Variants in PTPRD observed in about 807,000 individuals in gnomAD.
The protein encoded by PTPRD is receptor-type tyrosine-protein phosphatase delta.
A neutral mutation model predicts 214.5 loss-of-function variants in PTPRD; 34 were observed. That is an observed-to-expected ratio of 0.16 (90% CI 0.12 to 0.21). The LOEUF is 0.21. Ranked by LOEUF, PTPRD falls within the 10% of genes least tolerant of loss-of-function variation. The probability of loss-of-function intolerance (pLI) is 1.00; values close to 1 mark genes in which losing one functional copy is unlikely to be tolerated. For synonymous variants in PTPRD, 1,128 were observed against 845.7 expected (o/e 1.33, Z -5.79); for missense variants, 2,545 against 2,398.7 (o/e 1.06, Z -1.27).
chr9:8,842,423 A>C (rs898809267), intron 11 of PTPRD, among the ~76,000 whole-genome samples: 4 of 152,218 alleles, frequency 2.6e-5, no homozygotes, highest in African/African-American at 9.6e-5. Context: ...AGGGTATACA[A>C]GGGTAACATC....
chr9:9,853,960 A>C (rs901248843), intron 5 of PTPRD, among the ~76,000 whole-genome samples: 4 of 152,240 alleles, frequency 2.6e-5, no homozygotes, highest in African/African-American at 9.6e-5. Flanking sequence ...CAAGGTATTT[A>C]GCAGATTCAT....
intron 3 of PTPRD, among the ~76,000 whole-genome samples, chr9:10,159,858 A>G (rs564278151): frequency 2.8e-4 from 42 of 152,242 alleles, no homozygotes; most frequent in African/African-American, 9.9e-4. Flanking sequence ...TACCAGATAT[A>G]GAAAATAACC....
At chr9:10,440,921 T>C (rs1044141125) in intron 2 of PTPRD, among the ~76,000 whole-genome samples, 4 of 151,770 alleles carry the variant, frequency 2.6e-5, no homozygotes, top group African/African-American at 9.7e-5. Context: ...ATGAAACCAC[T>C]GAATGTGAAT....
At chr9:8,982,097 T>A (rs1193222752) in intron 11 of PTPRD, among the ~76,000 whole-genome samples, 1 of 152,026 alleles carries the variant, frequency 6.6e-6, no homozygotes, top group Non-Finnish European at 1.5e-5. Context: ...AATAGAGGTA[T>A]TTCAAAGTGA....
intron 3 of PTPRD, among the ~76,000 whole-genome samples, chr9:10,112,694 T>A (rs2098701416): frequency 6.6e-6 from 1 of 152,168 alleles, no homozygotes; most frequent in African/African-American, 2.4e-5. Context: ...AAATCTAAAA[T>A]TAAACAAAAT....
intron 12 of PTPRD, among the ~76,000 whole-genome samples, chr9:8,727,641 T>A (rs2098599684): frequency 6.7e-6 from 1 of 148,956 alleles, no homozygotes; most frequent in Non-Finnish European, 1.5e-5. Flanking sequence ...GTTTAGGTGT[T>A]TTTTGTTTGT....
At chr9:9,843,317 T>C (rs2058759455) in intron 5 of PTPRD, among the ~76,000 whole-genome samples, 1 of 152,066 alleles carries the variant, frequency 6.6e-6, no homozygotes, top group Admixed American at 6.6e-5. Context: ...CTTGAAATTT[T>C]CTCAGCTAAC....
chr9:8,760,193 G>A (rs1203837775), intron 11 of PTPRD, among the ~76,000 whole-genome samples: 2 of 152,164 alleles, frequency 1.3e-5, no homozygotes, highest in Non-Finnish European at 1.5e-5. Flanking sequence ...GGCCTCCACC[G>A]CGCCTGGCCA....
intron 7 of PTPRD, among the ~76,000 whole-genome samples, chr9:9,662,286 A>G (rs961372327): frequency 2.6e-5 from 4 of 151,654 alleles, no homozygotes; most frequent in Admixed American, 2.0e-4. Context: ...ATTCAACTCT[A>G]TATGTAGTAG....
At chr9:9,244,416 A>G (rs1336767490) in intron 9 of PTPRD, among the ~76,000 whole-genome samples, 1 of 152,134 alleles carries the variant, frequency 6.6e-6, no homozygotes, top group Non-Finnish European at 1.5e-5. Flanking sequence ...CCAAAACACC[A>G]TGGTACTGGT....
intron 3 of PTPRD, among the ~76,000 whole-genome samples, chr9:10,095,445 A>G (rs1256123290): frequency 1.3e-5 from 2 of 151,520 alleles, no homozygotes; most frequent in African/African-American, 2.4e-5. Flanking sequence ...ACAATGCAAC[A>G]TTACAGAAAA....
chr9:8,739,821 T>C (rs1028986711), intron 11 of PTPRD, among the ~76,000 whole-genome samples: 78 of 152,196 alleles, frequency 5.1e-4, no homozygotes, highest in Non-Finnish European at 5.1e-4. Context: ...TTTCCTGTGC[T>C]GTTCCCATGA....
intron 11 of PTPRD, among the ~76,000 whole-genome samples, chr9:9,008,880 T>G (rs2099495014): frequency 6.6e-6 from 1 of 152,142 alleles, no homozygotes; most frequent in African/African-American, 2.4e-5. Context: ...GCATGTCAGG[T>G]AAAGCATAAG....
chr9:8,809,743 G>A (rs2096762644), intron 11 of PTPRD, among the ~76,000 whole-genome samples: 1 of 152,164 alleles, frequency 6.6e-6, no homozygotes, highest in Non-Finnish European at 1.5e-5. Flanking sequence ...CTGCTGTCGA[G>A]AGCCAGTGTT....
intron 35 of PTPRD, among the ~76,000 whole-genome samples, chr9:8,407,465 G>C (rs191126118): frequency 1.2e-4 from 19 of 152,230 alleles, no homozygotes; most frequent in Admixed American, 1.2e-3. Context: ...CCTCAAACCA[G>C]GTCTGTGTGA....
intron 3 of PTPRD, among the ~76,000 whole-genome samples, chr9:10,218,167 T>C (rs745542743): frequency 1.3e-5 from 2 of 151,920 alleles, no homozygotes; most frequent in Non-Finnish European, 2.9e-5. Context: ...CATAGGCTTC[T>C]GGATGTTCTT....
chr9:9,886,111 G>C (rs766702055), intron 5 of PTPRD, among the ~76,000 whole-genome samples: 2 of 152,012 alleles, frequency 1.3e-5, no homozygotes, highest in African/African-American at 2.4e-5. Context: ...ATACACACCA[G>C]CCACTTCCGG....
intron 8 of PTPRD, among the ~76,000 whole-genome samples, chr9:9,539,874 A>G (rs1224334285): frequency 6.6e-6 from 1 of 151,862 alleles, no homozygotes; most frequent in Non-Finnish European, 1.5e-5. Flanking sequence ...TTTTTAAATC[A>G]ATGGTTTTCA....
chr9:10,437,163 T>A (rs554275667), intron 2 of PTPRD, among the ~76,000 whole-genome samples: 1 of 151,942 alleles, frequency 6.6e-6, no homozygotes, highest in African/African-American at 2.4e-5. Context: ...TCATTAGTGA[T>A]CCTCATGAGA....
Sources: allele counts gnomAD v4.1 joint callset (sites outside exome capture counted in the v4.1 genomes callset), GRCh38; gene constraint gnomAD v4.1.1; transcripts MANE v1.5; gene names NCBI Gene and HGNC (gene_info 2026-07-23, HGNC 2026-07-21).